MOV10L1: variants seen among roughly 807,000 people sequenced by gnomAD.
MOV10L1 encodes the protein Mov10 like RNA helicase 1.
A neutral mutation model predicts 143.8 loss-of-function variants in MOV10L1; 110 were observed. The observed-to-expected ratio is 0.76, with a 90% CI of 0.66 to 0.90. The LOEUF (loss-of-function observed/expected upper bound fraction) is 0.90. MOV10L1 is among the 40% of genes least tolerant of loss of function. MOV10L1 has a pLI of 0.00. For synonymous variants in MOV10L1, 593 were observed against 581.1 expected, an observed-to-expected ratio of 1.02 and a Z score of -0.29; for missense variants, 1,406 against 1,526.8, an observed-to-expected ratio of 0.92 and a Z score of 1.32.
At chr22:50,160,653 A>G (rs1342556901) in intron 24 of MOV10L1, 35 bp from the exon 25 acceptor site, 1 of 1,590,626 alleles carries the variant, frequency 6.3e-7, no homozygotes, top group Non-Finnish European at 8.6e-7. Flanking sequence ...CAAAAACTTC[A>G]AGTGCCATTT....
At chr22:50,112,272 A>G (rs1178998949) in intron 5 of MOV10L1, among the ~76,000 whole-genome samples, 2 of 152,182 alleles carry the variant, frequency 1.3e-5, no homozygotes, top group Admixed American at 6.5e-5. Context: ...GAAGCCTGGG[A>G]CGCACAGGAG....
At chr22:50,123,293 T>A (rs2062405559) in intron 10 of MOV10L1, among the ~76,000 whole-genome samples, 1 of 152,186 alleles carries the variant, frequency 6.6e-6, no homozygotes, top group East Asian at 1.9e-4. Context: ...CTACAGTAAT[T>A]GATTTTCAAA....
intron 15 of MOV10L1, among the ~76,000 whole-genome samples, chr22:50,137,783 TATATAA>T (rs2062865428): frequency 1.4e-5 from 2 of 145,954 alleles, no homozygotes; most frequent in Admixed American, 1.4e-4. Flanking sequence ...TATATATACA[TATATAA>T]ATATACATAT....
intron 8 of MOV10L1, among the ~76,000 whole-genome samples, chr22:50,116,296 A>C (rs1428596828): frequency 6.6e-6 from 1 of 152,034 alleles, no homozygotes; most frequent in Non-Finnish European, 1.5e-5. Flanking sequence ...AAATAAAAAA[A>C]ATTAGCTGGG....
rs1569059528 is a variant in MOV10L1 at position 50,161,450 on chromosome 22, T to C, written c.*1T>C. ...AGAGAAGCATCAGGAGCCCAGCTGA[T>C]CTGCAGTGGCTGACAGCAGGGAGGC... On this transcript the variant is annotated 3_prime_UTR_variant, in exon 27 of 27. Transcript: ENST00000262794. 1.3e-6 allele frequency: 2 copies of C among 1,584,204 alleles called. No homozygotes were observed. Among genetic ancestry groups the C allele is most frequent in the South Asian group, 1.2e-5 (1 of 86,796 alleles).
chr22:50,133,035 A>G (rs77071054), intron 13 of MOV10L1, among the ~76,000 whole-genome samples: 9 of 137,398 alleles, frequency 6.6e-5, no homozygotes, highest in African/African-American at 2.3e-4. Context: ...CCTCCGTCTG[A>G]AAAAAAAAAA....
chr22:50,091,941 T>C, intron 1 of MOV10L1, 60 bp from the exon 2 acceptor site: 1 of 1,518,636 alleles, frequency 6.6e-7, no homozygotes, highest in Non-Finnish European at 8.9e-7. Context: ...TCTGGTGGGG[T>C]TCACTGTAGC....
At position 50,143,058 on chromosome 22, in the gene MOV10L1, C is replaced by T. The variant is rs928660449; in HGVS notation, c.2195C>T (p.Thr732Ile). The change falls in exon 17 of 27, where the codon ACC becomes ATC. Residue 732 changes from threonine to isoleucine, a missense_variant. Physicochemically the swap from Thr to Ile is moderately conservative, Grantham distance 89. Coordinates refer to ENST00000262794, the MANE Select transcript of MOV10L1 (RefSeq NM_018995.3). ...EMSDWVDEIQ[T>I]PKARKMEFFN... ...TTGAATACAGTAGATGAAATTCAGACCCCTAAAGCAAGAAAGATGGAGTTT... is the reference window on the plus strand; with the variant it reads ...TTGAATACAGTAGATGAAATTCAGATCCCTAAAGCAAGAAAGATGGAGTTT... 3 of 1,613,958 alleles carry T rather than the reference C, an allele frequency of 1.9e-6. No homozygotes were observed. In the African/African-American group the frequency reaches 4.0e-5, roughly 22 times the overall value.
At chr22:50,126,026 T>G (rs2147227095) in intron 11 of MOV10L1, among the ~76,000 whole-genome samples, 176 bp from the exon 12 acceptor site, 1 of 152,020 alleles carries the variant, frequency 6.6e-6, no homozygotes, top group Non-Finnish European at 1.5e-5. Flanking sequence ...TCCCCTGACC[T>G]TGTGATCCGC....
intron 8 of MOV10L1, among the ~76,000 whole-genome samples, chr22:50,115,830 C>T (rs731858): frequency 0.041 from 6,224 of 152,312 alleles, 209 homozygotes; most frequent in African/African-American, 0.083. Flanking sequence ...TAGCCAAGCC[C>T]TGGGGCCTCG....
chr22:50,128,916 G>A (rs138246), intron 13 of MOV10L1, among the ~76,000 whole-genome samples: 2 of 151,488 alleles, frequency 1.3e-5, no homozygotes, highest in African/African-American at 4.9e-5. Flanking sequence ...ATCCTCCTGC[G>A]TCAGCCTCCC....
intron 24 of MOV10L1, among the ~76,000 whole-genome samples, chr22:50,160,277 C>A (rs144704425): frequency 7.4e-6 from 1 of 135,842 alleles, no homozygotes; most frequent in Non-Finnish European, 1.5e-5. Flanking sequence ...GAGATGGCGT[C>A]GCTCTGTCGC....
rs865795008 is a variant in MOV10L1 at position 50,147,518 on chromosome 22, C to T, written c.2627+1708C>T. Among the ~76,000 whole-genome samples the T allele has an allele frequency of 7.5e-3, 596 of 79,504 alleles. 6 individuals are homozygous for T. The highest frequency in any genetic ancestry group is 0.031 in the African/African-American group (548 of 17,664). 52.2% of individuals were successfully genotyped at this position (79,504 alleles called of 152,430 possible). A position where few individuals can be genotyped will look rare whatever the true frequency, so the allele number is the denominator to read the frequency against. On this transcript the variant is annotated intron_variant, in intron 19 of 26. Transcript: ENST00000262794. ...CAGAAGCAGGGAGGGTGCTGCAGGCCGCTCTCTCAGAGGCGCTCTGTGCAG... is the reference window on the plus strand; with the variant it reads ...CAGAAGCAGGGAGGGTGCTGCAGGCTGCTCTCTCAGAGGCGCTCTGTGCAG...
At chr22:50,135,089 C>T (rs1298860730) in intron 15 of MOV10L1, among the ~76,000 whole-genome samples, 1 of 151,490 alleles carries the variant, frequency 6.6e-6, no homozygotes, top group Non-Finnish European at 1.5e-5. Flanking sequence ...TCTTGGCTCA[C>T]TGCAACCTCT....
chr22:50,120,249 C>T (rs1222278432), intron 9 of MOV10L1, among the ~76,000 whole-genome samples: 1 of 152,152 alleles, frequency 6.6e-6, no homozygotes, highest in Admixed American at 6.5e-5. Context: ...CCCTGTTTTC[C>T]CACAGCCTGT....
chr22:50,134,499 C>G, intron 14 of MOV10L1, 31 bp from the exon 15 acceptor site: 2 of 1,578,182 alleles, frequency 1.3e-6, no homozygotes, highest in Non-Finnish European at 1.7e-6. Context: ...TTTAGTTATA[C>G]CCGTGCTCTT....
intron 9 of MOV10L1, among the ~76,000 whole-genome samples, chr22:50,118,029 G>A (rs1261716358): frequency 6.6e-6 from 1 of 152,130 alleles, no homozygotes; most frequent in African/African-American, 2.4e-5. Context: ...TTTGAGCTCT[G>A]CTACTACCCC....
In MOV10L1 at chr22:50,114,611, G is replaced by A; in HGVS notation, c.1115G>A (p.Gly372Glu). 1 of 1,613,954 alleles carries A rather than the reference G, an allele frequency of 6.2e-7. No individual in the cohort carries two copies. The highest frequency in any genetic ancestry group is 1.1e-5 in the South Asian group (1 of 91,064). Residue 372 changes from glycine (G) to glutamate (E), a missense_variant, in exon 7 of 27, where the codon GGA (glycine) becomes GAA (glutamate). Transcript: ENST00000262794. ...GAGAGCAGTTTGGTGAACAACAGAG[G>A]AATCTCTCCAGGTAGTGGACGTTTC... is the stretch of plus-strand genomic sequence containing the variant. The part of the protein sequence containing the change: ...MSESSLVNNR[G>E]ISPGDCTCKG...
At chr22:50,154,637 A>C (rs971119312) in intron 22 of MOV10L1, among the ~76,000 whole-genome samples, 2 of 152,204 alleles carry the variant, frequency 1.3e-5, no homozygotes, top group Non-Finnish European at 2.9e-5. Context: ...GTCCTGGCCT[A>C]GGATCTGTCC....
Sources: allele counts gnomAD v4.1 joint callset (sites outside exome capture counted in the v4.1 genomes callset), GRCh38; gene constraint gnomAD v4.1.1; transcripts MANE v1.5; gene names NCBI Gene and HGNC (gene_info 2026-07-23, HGNC 2026-07-21).